SLC1A6: variants seen among roughly 807,000 people sequenced by gnomAD.
SLC1A6 encodes solute carrier family 1 member 6, also known as excitatory amino acid transporter 4.
SLC1A6 carries 15 observed loss-of-function variants against 42.1 expected under a neutral mutation model. That is an observed-to-expected ratio of 0.36 (90% CI 0.24 to 0.55). SLC1A6 has a LOEUF of 0.55. SLC1A6 is among the 20% of genes least tolerant of loss of function. The pLI is 0.88. For synonymous variants in SLC1A6, 317 were observed against 319.7 expected, an observed-to-expected ratio of 0.99 and a Z score of 0.09; for missense variants, 542 against 772.5, an observed-to-expected ratio of 0.70 and a Z score of 3.54.
intron 1 of SLC1A6, among the ~76,000 whole-genome samples, chr19:14,985,933 G>A (rs1264020342): frequency 8.5e-5 from 13 of 152,224 alleles, no homozygotes; most frequent in African/African-American, 3.1e-4. Context: ...ACTCCAGCCT[G>A]GGCAGCAGAG....
intron 1 of SLC1A6, 29 bp from the exon 2 acceptor site, chr19:14,972,946 G>A (rs916900370): frequency 3.3e-6 from 5 of 1,518,296 alleles, no homozygotes; most frequent in South Asian, 1.2e-5. Flanking sequence ...CCTGGGGCTG[G>A]TGAGGGCCAG....
chr19:14,992,810 C>T (rs1436912731), intron 1 of SLC1A6, among the ~76,000 whole-genome samples: 2 of 152,160 alleles, frequency 1.3e-5, no homozygotes, highest in Non-Finnish European at 2.9e-5. Flanking sequence ...CGGGCTGTCC[C>T]AGACGACTGC....
Position 14,962,114 on chromosome 19 carries a change from A to T in SLC1A6, c.823T>A (p.Ser275Thr), listed in dbSNP as rs2045518447. Reference protein sequence around the residue: ...GINALGLVVFSVAFGLVIGGM... With the variant: ...GINALGLVVFTVAFGLVIGGM... ...CCAATGACCAGCCCAAAGGCCACAG[A>T]GAAGACCACGAGGCCCAGGGCGTTG... Residue 275 changes from serine (S) to threonine (T), a missense_variant, in exon 6 of 10, where the codon TCT becomes ACT. Coordinates refer to ENST00000594383, the MANE Select transcript of SLC1A6 (RefSeq NM_005071.3). 2 of 1,614,194 alleles carry T rather than the reference A, an allele frequency of 1.2e-6. No homozygotes were observed. Among genetic ancestry groups the T allele is most frequent in the East Asian group, 4.5e-5 (2 of 44,884 alleles).
chr19:15,002,618 G>C (rs2045877123), intron 1 of SLC1A6, among the ~76,000 whole-genome samples: 1 of 152,206 alleles, frequency 6.6e-6, no homozygotes, highest in South Asian at 2.1e-4. Context: ...AGGATCAGGA[G>C]GTGAGGACCA....
chr19:14,981,347 T>C (rs1044363473), upstream of SLC1A6, among the ~76,000 whole-genome samples: 1 of 151,796 alleles, frequency 6.6e-6, no homozygotes, highest in African/African-American at 2.4e-5. Flanking sequence ...CCACACCCTA[T>C]ACCAAGCACA....
At chr19:14,978,477 GAC>G (rs1477605773) in intron 1 of SLC1A6, among the ~76,000 whole-genome samples, 2 of 151,824 alleles carry the variant, frequency 1.3e-5, no homozygotes, top group Admixed American at 6.6e-5. Context: ...ACCCCAGACA[GAC>G]ACAGTCACAT....
intron 6 of SLC1A6, among the ~76,000 whole-genome samples, chr19:14,957,581 T>G (rs2045474172): frequency 6.6e-6 from 1 of 152,200 alleles, no homozygotes; most frequent in Non-Finnish European, 1.5e-5. Flanking sequence ...GCCTTGAACT[T>G]AGACTTCCCA....
At chr19:14,983,752 G>C (rs549662756), upstream of SLC1A6, among the ~76,000 whole-genome samples, 1 of 147,868 alleles carries the variant, frequency 6.8e-6, no homozygotes, top group Non-Finnish European at 1.5e-5. Context: ...AGGCTGTAAG[G>C]CTGTAAGGCT....
Position 15,005,652 on chromosome 19 carries a change from A to G in SLC1A6, c.6+4833T>C, listed in dbSNP as rs150163533. Reference sequence around the variant, plus strand: ...GTTGATATAGAGAATGGAAACTGGGATTGGGAGATGGAAATGAGAAGTTGG... The same window carrying G: ...GTTGATATAGAGAATGGAAACTGGGGTTGGGAGATGGAAATGAGAAGTTGG... On this transcript the variant is annotated intron_variant, in intron 1 of 8. Coordinates refer to the SLC1A6 transcript ENST00000430939. 4.9e-3 allele frequency among the ~76,000 whole-genome samples: 740 copies of G among 152,320 alleles called. 11 individuals are homozygous for G. Among genetic ancestry groups the G allele is most frequent in the African/African-American group, 0.017 (716 of 41,566 alleles).
Position 14,997,094 on chromosome 19 carries a change from C to T in SLC1A6, c.6+13391G>A, listed in dbSNP as rs139599948. Among the ~76,000 whole-genome samples, 601 of 152,332 alleles carry T rather than the reference C, an allele frequency of 3.9e-3. 4 individuals carry two copies. Among genetic ancestry groups the T allele is most frequent in the African/African-American group, 0.014 (575 of 41,572 alleles). On this transcript the variant is annotated intron_variant, in intron 1 of 8. Coordinates refer to the SLC1A6 transcript ENST00000430939. ...TAAGATAAAAGAGCTACATATCTCC[C>T]TCACAAGGAATTTCCTTGCAGGCAA...
At chr19:15,004,092 G>T (rs1027137815) in intron 1 of SLC1A6, among the ~76,000 whole-genome samples, 10 of 152,078 alleles carry the variant, frequency 6.6e-5, no homozygotes, top group African/African-American at 2.4e-4. Context: ...GGAGGAGGAG[G>T]TTGCAGTGAG....
At chr19:14,965,555 A>G (rs1015758249) in intron 4 of SLC1A6, among the ~76,000 whole-genome samples, 5 of 152,190 alleles carry the variant, frequency 3.3e-5, no homozygotes, top group Admixed American at 2.0e-4. Context: ...CAGCCATGAA[A>G]AAGAATGAAA....
At chr19:14,988,838 C>T (rs2045805074) in intron 1 of SLC1A6, among the ~76,000 whole-genome samples, 1 of 151,988 alleles carries the variant, frequency 6.6e-6, no homozygotes, top group Non-Finnish European at 1.5e-5. Context: ...GGCAGCATAG[C>T]AAGATCCCAT....
At chr19:14,959,849 A>C (rs2045493863) in intron 6 of SLC1A6, among the ~76,000 whole-genome samples, 1 of 152,216 alleles carries the variant, frequency 6.6e-6, no homozygotes, top group African/African-American at 2.4e-5. Context: ...CCTCTTCAGG[A>C]AGCATTCACT....
intron 7 of SLC1A6, 142 bp from the exon 8 acceptor site, chr19:14,954,471 T>A: frequency 1.4e-6 from 1 of 727,322 alleles, no homozygotes; most frequent in Non-Finnish European, 2.3e-6. Context: ...CCTAGTGGGG[T>A]ACGGCTGAGA....
chr19:15,005,029 C>T (rs926976226), intron 1 of SLC1A6, among the ~76,000 whole-genome samples: 1 of 152,076 alleles, frequency 6.6e-6, no homozygotes, highest in Non-Finnish European at 1.5e-5. Flanking sequence ...TAGGCCAAGG[C>T]GGGAGGATTG....
At chr19:14,958,842 T>G (rs1212159460) in intron 6 of SLC1A6, among the ~76,000 whole-genome samples, 1 of 152,224 alleles carries the variant, frequency 6.6e-6, no homozygotes, top group Non-Finnish European at 1.5e-5. Flanking sequence ...CATTATTCCT[T>G]GTTAACTCTC....
chr19:14,950,860 A>G (rs916004385), intron 9 of SLC1A6, among the ~76,000 whole-genome samples: 17 of 151,686 alleles, frequency 1.1e-4, no homozygotes, highest in African/African-American at 3.9e-4. Context: ...TGGCAGGGTC[A>G]CTTGAGCCCA....
upstream of SLC1A6, among the ~76,000 whole-genome samples, chr19:14,981,457 G>C (rs1046527799): frequency 6.6e-6 from 1 of 152,118 alleles, no homozygotes; most frequent in African/African-American, 2.4e-5. Context: ...GATTCCCCTG[G>C]ACCACATTGG....
Sources: gnomAD v4.1 joint callset for allele counts (sites outside exome capture counted in the v4.1 genomes callset) on GRCh38, gnomAD v4.1.1 for gene constraint, MANE v1.5 for transcripts, NCBI Gene and HGNC (gene_info 2026-07-23, HGNC 2026-07-21) for gene names.